The following KCNT2 variants were observed in gnomAD, a reference collection of about 807,000 sequenced individuals.
The protein encoded by KCNT2 is potassium channel subfamily T member 2.
KCNT2 carries 67 observed loss-of-function variants against 153.8 expected under a neutral mutation model. That is an observed-to-expected ratio of 0.44 (90% confidence interval 0.36 to 0.53). The LOEUF is 0.53. Among genes scored for constraint, KCNT2 ranks in the 20% least tolerant of loss-of-function variants. The pLI is 0.00. For missense variants in KCNT2, 975 were observed against 1,354.8 expected (o/e 0.72, Z 4.40); for synonymous variants, 500 against 458.8 (o/e 1.09, Z -1.15).
At chr1:196,239,236 C>A (rs1307106147) in intron 26 of KCNT2, among the ~76,000 whole-genome samples, 3 of 151,620 alleles carry the variant, frequency 2.0e-5, no homozygotes, top group Non-Finnish European at 4.4e-5. Flanking sequence ...CAAAATACGA[C>A]ATTAGCAAAA....
intron 14 of KCNT2, among the ~76,000 whole-genome samples, chr1:196,366,965 G>T (rs753487766): frequency 6.6e-6 from 1 of 151,988 alleles, no homozygotes. Flanking sequence ...ATGTTAATTG[G>T]GTTTGGCAGT....
intron 9 of KCNT2, among the ~76,000 whole-genome samples, chr1:196,429,375 G>GA (rs1673938500): frequency 6.7e-6 from 1 of 149,460 alleles, no homozygotes; most frequent in Non-Finnish European, 1.5e-5. Flanking sequence ...TGACTGGAAG[G>GA]AAAAAAAAGC....
At chr1:196,274,556 T>A (rs982165241) in intron 25 of KCNT2, among the ~76,000 whole-genome samples, 2 of 151,730 alleles carry the variant, frequency 1.3e-5, no homozygotes, top group Admixed American at 1.3e-4. Context: ...GATTTTATAA[T>A]AGGTAAATTT....
chr1:196,519,243 A>C (rs1217900477), intron 1 of KCNT2, among the ~76,000 whole-genome samples: 1 of 152,174 alleles, frequency 6.6e-6, no homozygotes, highest in Non-Finnish European at 1.5e-5. Context: ...GTTTTTTGAA[A>C]CTCGTGAGAA....
intron 13 of KCNT2, among the ~76,000 whole-genome samples, chr1:196,390,759 TTGTGTA>T (rs1321272228): frequency 6.6e-6 from 1 of 151,404 alleles, no homozygotes; most frequent in Non-Finnish European, 1.5e-5. Context: ...ACACATGTAT[TTGTGTA>T]TGTGTATGTG....
At chr1:196,447,043 C>A (rs186631881) in intron 8 of KCNT2, among the ~76,000 whole-genome samples, 1 of 151,480 alleles carries the variant, frequency 6.6e-6, no homozygotes, top group African/African-American at 2.4e-5. Flanking sequence ...CATTGTTAAT[C>A]GCTTTGGATG....
chr1:196,433,062 T>C (rs543629130), intron 8 of KCNT2, among the ~76,000 whole-genome samples: 9 of 151,954 alleles, frequency 5.9e-5, no homozygotes, highest in Non-Finnish European at 1.3e-4. Context: ...AAATTGTGGG[T>C]GAGAACCAGC....
intron 1 of KCNT2, among the ~76,000 whole-genome samples, chr1:196,512,007 A>T (rs933455423): frequency 6.6e-6 from 1 of 152,090 alleles, no homozygotes; most frequent in Admixed American, 6.6e-5. Context: ...TCTTTAACCA[A>T]TTCCACCTCT....
chr1:196,513,950 G>C (rs1230833234), intron 1 of KCNT2, among the ~76,000 whole-genome samples: 1 of 152,100 alleles, frequency 6.6e-6, no homozygotes, highest in African/African-American at 2.4e-5. Context: ...AAGCCTCTAC[G>C]CTTAGTGCTT....
chr1:196,234,791 T>A (rs1482363769), intron 27 of KCNT2, among the ~76,000 whole-genome samples: 1 of 151,492 alleles, frequency 6.6e-6, no homozygotes, highest in African/African-American at 2.4e-5. Context: ...ACTTTGTCAC[T>A]TGCTTTCTGG....
chr1:196,491,462 G>A (rs1679854138), intron 2 of KCNT2, among the ~76,000 whole-genome samples: 1 of 151,898 alleles, frequency 6.6e-6, no homozygotes, highest in Non-Finnish European at 1.5e-5. Flanking sequence ...AGGATTTGGA[G>A]GTTAAAATTC....
At chr1:196,337,721 A>T (rs1665173657) in intron 16 of KCNT2, among the ~76,000 whole-genome samples, 1 of 152,142 alleles carries the variant, frequency 6.6e-6, no homozygotes, top group Non-Finnish European at 1.5e-5. Flanking sequence ...CTGCTCAAAC[A>T]TCACTTTCTG....
At chr1:196,257,229 C>CATG in intron 26 of KCNT2, 1 of 984,684 alleles carries the variant, frequency 1.0e-6, no homozygotes, top group Non-Finnish European at 1.2e-6. Context: ...GCACACATAG[C>CATG]ATGCTATGCA....
chr1:196,471,811 C>T lies in KCNT2; in HGVS notation c.385-2743G>A, dbSNP rs551812335. ...TATCTGTCTAGGTTGGGTTTGTTTC[C>T]GATTTTTCTTCCACATTAAAGCCAG... On this transcript the variant is annotated intron_variant, in intron 5 of 27. Transcript: ENST00000294725. 3.3e-5 allele frequency among the ~76,000 whole-genome samples: 5 copies of T among 152,062 alleles called. No homozygotes were observed. In the South Asian group the frequency reaches 6.2e-4, roughly 19 times the overall value.
chr1:196,348,820 G>T (rs369552776), intron 14 of KCNT2, among the ~76,000 whole-genome samples: 2 of 151,990 alleles, frequency 1.3e-5, no homozygotes, highest in Non-Finnish European at 2.9e-5. Flanking sequence ...GATGTCGGGG[G>T]TTTGAGACCA....
intron 26 of KCNT2, among the ~76,000 whole-genome samples, chr1:196,253,555 A>G (rs1656181146): frequency 6.6e-6 from 1 of 151,260 alleles, no homozygotes. Context: ...ATATTTTCTT[A>G]TTTTGCATCC....
intron 22 of KCNT2, among the ~76,000 whole-genome samples, chr1:196,300,934 C>A (rs570746945): frequency 6.6e-6 from 1 of 152,062 alleles, no homozygotes; most frequent in Non-Finnish European, 1.5e-5. Flanking sequence ...GACTCCCCAC[C>A]GTCCTACAAC....
intron 24 of KCNT2, 113 bp from the exon 25 acceptor site, chr1:196,281,101 C>T (rs1659050780): frequency 2.6e-6 from 2 of 774,794 alleles, no homozygotes; most frequent in Admixed American, 2.3e-5. Context: ...CTCACTCTGT[C>T]ACCCAGGCTA....
At chr1:196,485,717 T>C (rs1679367674) in intron 3 of KCNT2, among the ~76,000 whole-genome samples, 1 of 151,960 alleles carries the variant, frequency 6.6e-6, no homozygotes, top group Non-Finnish European at 1.5e-5. Context: ...ACCAGTTTCC[T>C]TAACATTAAG....
Sources: allele counts gnomAD v4.1 joint callset (sites outside exome capture counted in the v4.1 genomes callset), GRCh38; gene constraint gnomAD v4.1.1; transcripts MANE v1.5; gene names NCBI Gene and HGNC (gene_info 2026-07-23, HGNC 2026-07-21).